Variants in FKBP1B observed in about 807,000 individuals in gnomAD.
FKBP1B encodes the protein peptidyl-prolyl cis-trans isomerase FKBP1B.
A neutral mutation model predicts 13.5 loss-of-function variants in FKBP1B; 4 were observed. The observed-to-expected ratio is 0.30, with a 90% CI of 0.15 to 0.68. The LOEUF is 0.68. FKBP1B is among the 30% of genes least tolerant of loss of function. The probability of loss-of-function intolerance (pLI) is 0.76; values close to 1 mark genes in which losing one functional copy is unlikely to be tolerated. For synonymous variants in FKBP1B, 54 were observed against 53.6 expected (o/e 1.01, Z -0.03); for missense variants, 93 against 136.2 (o/e 0.68, Z 1.58).
At chr2:24,059,614 C>T (rs1440575144) in intron 2 of FKBP1B, among the ~76,000 whole-genome samples, 1 of 152,070 alleles carries the variant, frequency 6.6e-6, no homozygotes, top group Non-Finnish European at 1.5e-5. Flanking sequence ...AAAAGTCTGG[C>T]TGGGCATGAT....
chr2:24,033,250 A>G, the FKBP1B span: 1 of 496,908 alleles, frequency 2.0e-6, no homozygotes, highest in Non-Finnish European at 4.0e-6. Flanking sequence ...GAGAGACACA[A>G]TCTGACGGTA....
At chr2:24,053,705 G>A (rs1271905007) in intron 1 of FKBP1B, among the ~76,000 whole-genome samples, 197 bp from the exon 2 acceptor site, 1 of 151,906 alleles carries the variant, frequency 6.6e-6, no homozygotes, top group African/African-American at 2.4e-5. Flanking sequence ...AAATTGAGGG[G>A]GTAAAGTAAA....
In FKBP1B at chr2:24,050,658, C is replaced by G. The variant is rs1390308872; in HGVS notation, c.37+772C>G. On this transcript the variant is annotated intron_variant, in intron 1 of 3. Transcript: ENST00000380986. This position sits in a 1 kb window ranked among gnomAD's most constrained non-coding sequence, Gnocchi z 5.8. Reference sequence around the variant, plus strand: ...CTCACTTTCCCAAGTCCTTGTATTACTGGGTCTGGGTGTGCAAGGAATAGC... The same window carrying G: ...CTCACTTTCCCAAGTCCTTGTATTAGTGGGTCTGGGTGTGCAAGGAATAGC... Among the ~76,000 whole-genome samples, 1 of 152,226 alleles carries G rather than the reference C, an allele frequency of 6.6e-6. No individual in the cohort carries two copies.
At chr2:24,058,895 G>A (rs1664252939) in intron 2 of FKBP1B, among the ~76,000 whole-genome samples, 1 of 152,234 alleles carries the variant, frequency 6.6e-6, no homozygotes. Flanking sequence ...CTTTGCCTCA[G>A]TTAGTACCCA....
At chr2:24,040,344 CAACTTTT>C in the FKBP1B span, among the ~76,000 whole-genome samples, 17 of 152,292 alleles carry the variant, frequency 1.1e-4, no homozygotes, top group African/African-American at 3.8e-4. Flanking sequence ...ATGGTACTTT[CAACTTTT>C]AAGTTAGAAA....
At chr2:24,052,057 G>A (rs754609246) in intron 1 of FKBP1B, among the ~76,000 whole-genome samples, 6 of 152,252 alleles carry the variant, frequency 3.9e-5, no homozygotes, top group Non-Finnish European at 7.4e-5. Context: ...CCCAAGCATC[G>A]TTCTTGTTGT....
the FKBP1B span, among the ~76,000 whole-genome samples, chr2:24,044,322 TGCAGTGGCATGATCTGG>T: frequency 6.6e-6 from 1 of 151,880 alleles, no homozygotes; most frequent in Non-Finnish European, 1.5e-5. Context: ...CAGGCTGGAG[TGCAGTGGCATGATCTGG>T]GCTCACTGCA....
At chr2:24,051,644 C>A (rs549272237) in intron 1 of FKBP1B, among the ~76,000 whole-genome samples, 1 of 152,276 alleles carries the variant, frequency 6.6e-6, no homozygotes, top group East Asian at 1.9e-4. Context: ...GGACTGAGGG[C>A]CTTTGAACAT....
intron 2 of FKBP1B, 79 bp from the exon 3 acceptor site, chr2:24,060,733 TTC>T: frequency 2.9e-6 from 3 of 1,019,320 alleles, no homozygotes; most frequent in Admixed American, 1.8e-5. Flanking sequence ...AGAAAAGGCA[TTC>T]CATTTTAGAC....
chr2:24,060,809 G>C lies in FKBP1B; in HGVS notation c.86-5G>C. ...CTCTATTGCACCCGATTCTTGCTTT[G>C]ACAGGAATGCTCCAAAATGGGAAGA... On this transcript the variant is annotated splice_polypyrimidine_tract_variant and splice_region_variant and intron_variant, in intron 2 of 3. Transcript: ENST00000380986. 1.9e-6 allele frequency: 3 copies of C among 1,611,552 alleles called. No homozygotes were observed. The highest frequency in any genetic ancestry group is 2.5e-6 in the Non-Finnish European group (3 of 1,177,712).
At chr2:24,046,244 A>C (rs74865717), upstream of FKBP1B, among the ~76,000 whole-genome samples, 3,039 of 152,292 alleles carry the variant, frequency 0.02, 114 homozygotes, top group African/African-American at 0.069. Flanking sequence ...GGATTTGGAA[A>C]TCACTGACAT....
chr2:24,039,165 T>C, the FKBP1B span: 2 of 1,614,200 alleles, frequency 1.2e-6, no homozygotes, highest in Non-Finnish European at 1.7e-6. Context: ...TAGGTAGTGA[T>C]CCTCTAATCT....
At chr2:24,049,227 G>A (rs976191131), upstream of FKBP1B, among the ~76,000 whole-genome samples, 9 of 152,276 alleles carry the variant, frequency 5.9e-5, no homozygotes, top group African/African-American at 1.9e-4. Context: ...TTAGCTGGGC[G>A]TGGTTGCTCG....
At chr2:24,037,985 A>T in the FKBP1B span, 1 of 1,614,182 alleles carries the variant, frequency 6.2e-7, no homozygotes, top group Non-Finnish European at 8.5e-7. Flanking sequence ...CAGATACTAG[A>T]CAGAGGACTC....
chr2:24,058,666 G>C (rs1664245317), intron 2 of FKBP1B, among the ~76,000 whole-genome samples: 1 of 152,248 alleles, frequency 6.6e-6, no homozygotes, highest in African/African-American at 2.4e-5. Context: ...GTATGTATCT[G>C]TGTGAATGTA....
upstream of FKBP1B, among the ~76,000 whole-genome samples, chr2:24,044,743 A>G (rs1456673480): frequency 4.0e-5 from 6 of 150,114 alleles, no homozygotes; most frequent in Non-Finnish European, 7.4e-5. Context: ...TAAAACAAGG[A>G]GAGGTCCCCT....
chr2:24,041,227 T>A, the FKBP1B span, among the ~76,000 whole-genome samples: 2 of 150,822 alleles, frequency 1.3e-5, no homozygotes, highest in Non-Finnish European at 2.9e-5. Flanking sequence ...TAATCCCAGC[T>A]ACTCAGGAGG....
At chr2:24,062,073 T>A (rs887983645) in intron 3 of FKBP1B, among the ~76,000 whole-genome samples, 2 of 152,106 alleles carry the variant, frequency 1.3e-5, no homozygotes, top group African/African-American at 4.8e-5. Context: ...GGTTTCACCG[T>A]TGTTAGCCAA....
At chr2:24,042,409 G>A in the FKBP1B span, among the ~76,000 whole-genome samples, 4 of 151,998 alleles carry the variant, frequency 2.6e-5, no homozygotes, top group Admixed American at 6.6e-5. Flanking sequence ...GTTGGCGGGC[G>A]CCTGTAGTCC....
Sources: allele counts gnomAD v4.1 joint callset (sites outside exome capture counted in the v4.1 genomes callset), GRCh38; gene constraint gnomAD v4.1.1; non-coding constraint Gnocchi (gnomAD v3.1); transcripts MANE v1.5; gene names NCBI Gene and HGNC (gene_info 2026-07-23, HGNC 2026-07-21).